Variants in PECR observed in about 807,000 individuals in gnomAD.
The protein encoded by PECR is peroxisomal trans-2-enoyl-CoA reductase, also known as 2,4-dienoyl-CoA reductase-related protein.
In PECR, 30 loss-of-function variants were observed where a neutral mutation model predicts 35.3. The observed-to-expected ratio is 0.85, with a 90% confidence interval of 0.64 to 1.15. The LOEUF (loss-of-function observed/expected upper bound fraction) is 1.15. Ranked by LOEUF, PECR falls within the 50% of genes most tolerant of loss-of-function variation. The pLI, the probability that PECR is intolerant of heterozygous loss-of-function variation, is 0.00. For missense variants in PECR, 392 were observed against 370.8 expected (o/e 1.06, Z -0.47); for synonymous variants, 148 against 138.9 (o/e 1.07, Z -0.46).
intron 4 of PECR, among the ~76,000 whole-genome samples, chr2:216,053,028 A>G (rs1173646667): frequency 1.3e-5 from 2 of 151,046 alleles, no homozygotes; most frequent in East Asian, 3.9e-4. Flanking sequence ...TAATTTTTGT[A>G]TTTTTAGTAG....
chr2:216,059,197 C>T (rs1167468778), intron 3 of PECR, among the ~76,000 whole-genome samples: 1 of 152,202 alleles, frequency 6.6e-6, no homozygotes, highest in East Asian at 1.9e-4. Flanking sequence ...GCAACCATTA[C>T]CACAATCCAG....
intron 6 of PECR, among the ~76,000 whole-genome samples, chr2:216,046,641 T>C (rs1027149378): frequency 2.4e-4 from 36 of 152,290 alleles, no homozygotes; most frequent in African/African-American, 8.7e-4. Flanking sequence ...AATAAAAATG[T>C]AATATAATTG....
At chr2:216,037,744 C>T (rs1240207859), downstream of PECR, among the ~76,000 whole-genome samples, 2 of 152,082 alleles carry the variant, frequency 1.3e-5, no homozygotes, top group Non-Finnish European at 1.5e-5. Flanking sequence ...GCTGCAGATT[C>T]TGGGTCCCAA....
At chr2:216,031,655 G>GAAAGA (rs1694704738) in intron 7 of PECR, among the ~76,000 whole-genome samples, 1 of 66,018 alleles carries the variant, frequency 1.5e-5, no homozygotes, top group East Asian at 4.6e-4. Flanking sequence ...AGAAAAGAAA[G>GAAAGA]AAAGAAAGAA....
At chr2:216,067,928 A>G (rs1232295050) in intron 1 of PECR, among the ~76,000 whole-genome samples, 1 of 152,142 alleles carries the variant, frequency 6.6e-6, no homozygotes, top group East Asian at 1.9e-4. Flanking sequence ...AGAAAAGTCA[A>G]TTAATAAAAA....
chr2:216,044,202 G>C (rs939262899), intron 6 of PECR, among the ~76,000 whole-genome samples, 187 bp from the exon 7 acceptor site: 1 of 152,118 alleles, frequency 6.6e-6, no homozygotes, highest in African/African-American at 2.4e-5. Context: ...CTTTCTACCT[G>C]AGCATCACCG....
At chr2:216,058,550 A>G (rs755361147) in intron 4 of PECR, among the ~76,000 whole-genome samples, 1 of 152,138 alleles carries the variant, frequency 6.6e-6, no homozygotes, top group Non-Finnish European at 1.5e-5. Context: ...TTTCATTTCT[A>G]TACTTTAACA....
chr2:216,046,285 TATACATAC>T (rs1293898451), intron 6 of PECR, among the ~76,000 whole-genome samples: 1 of 103,544 alleles, frequency 9.7e-6, no homozygotes, highest in African/African-American at 3.7e-5. Flanking sequence ...AGTATATATA[TATACATAC>T]ATATATATAT....
intron 1 of PECR, among the ~76,000 whole-genome samples, chr2:216,071,483 A>G (rs978649625): frequency 1.3e-5 from 2 of 152,172 alleles, no homozygotes; most frequent in African/African-American, 4.8e-5. Flanking sequence ...TTTGTACTGT[A>G]CAGGTGAGTC....
chr2:216,077,518 A>T (rs1371214510), intron 1 of PECR, among the ~76,000 whole-genome samples: 1 of 148,512 alleles, frequency 6.7e-6, no homozygotes, highest in African/African-American at 2.5e-5. Flanking sequence ...AAAAAAAAAT[A>T]CATGCAGGGC....
intron 4 of PECR, among the ~76,000 whole-genome samples, chr2:216,057,496 C>T (rs1695252672): frequency 6.6e-6 from 1 of 151,964 alleles, no homozygotes. Flanking sequence ...AAAGATATGC[C>T]CCCAAAACTA....
intron 5 of PECR, among the ~76,000 whole-genome samples, chr2:216,050,334 A>G (rs1250521553): frequency 1.3e-5 from 2 of 152,236 alleles, no homozygotes; most frequent in African/African-American, 2.4e-5. Context: ...AAATTAGAAA[A>G]TGTGGCAGTT....
At chr2:216,043,269 G>A (rs893752281) in intron 7 of PECR, among the ~76,000 whole-genome samples, 1 of 151,202 alleles carries the variant, frequency 6.6e-6, no homozygotes, top group Non-Finnish European at 1.5e-5. Context: ...CACCAAGCCT[G>A]GCTAATTTTT....
chr2:216,063,947 AC>A (rs1164803001), intron 3 of PECR: 1 of 151,802 alleles, frequency 6.6e-6, no homozygotes, highest in Non-Finnish European at 1.5e-5. Context: ...CTGGTCTCAA[AC>A]TCCTGAGCTC....
At chr2:216,053,461 G>T (rs1173015845) in intron 4 of PECR, among the ~76,000 whole-genome samples, 3 of 151,614 alleles carry the variant, frequency 2.0e-5, no homozygotes, top group Non-Finnish European at 4.4e-5. Context: ...AGCCAGGATG[G>T]TCTCGATCTC....
chr2:216,059,522 T>C (rs1363207191), intron 3 of PECR, among the ~76,000 whole-genome samples: 1 of 152,266 alleles, frequency 6.6e-6, no homozygotes, highest in Non-Finnish European at 1.5e-5. Flanking sequence ...AGTTCCACTT[T>C]GGAGCAATTA....
At chr2:216,070,808 T>A (rs1219749624) in intron 1 of PECR, among the ~76,000 whole-genome samples, 1 of 152,208 alleles carries the variant, frequency 6.6e-6, no homozygotes, top group Non-Finnish European at 1.5e-5. Context: ...GCTAACAGGC[T>A]TCAGATGTGC....
chr2:216,059,456 T>C (rs1268532601), intron 3 of PECR, among the ~76,000 whole-genome samples: 1 of 152,262 alleles, frequency 6.6e-6, no homozygotes, highest in Non-Finnish European at 1.5e-5. Flanking sequence ...TAGTATTCCA[T>C]TATGTGGATA....
chr2:216,047,189 T>C (rs1367408810), intron 6 of PECR, among the ~76,000 whole-genome samples: 3 of 149,030 alleles, frequency 2.0e-5, no homozygotes, highest in Admixed American at 1.4e-4. Context: ...ACCCAGGAGG[T>C]AGAGGTTGTG....
Sources: gnomAD v4.1 joint callset for allele counts (sites outside exome capture counted in the v4.1 genomes callset) on GRCh38, gnomAD v4.1.1 for gene constraint, MANE v1.5 for transcripts, NCBI Gene and HGNC (gene_info 2026-07-23, HGNC 2026-07-21) for gene names.